XPNPEP3: variants seen among roughly 807,000 people sequenced by gnomAD.
XPNPEP3 encodes the protein xaa-Pro aminopeptidase 3.
XPNPEP3 carries 41 observed loss-of-function variants against 60.0 expected under a neutral mutation model. That is an observed-to-expected ratio of 0.68 (90% CI 0.53 to 0.89). The LOEUF (loss-of-function observed/expected upper bound fraction) is 0.89, where lower values mean the gene tolerates loss of function less well. Ranked by LOEUF, XPNPEP3 falls within the 40% of genes least tolerant of loss-of-function variation. XPNPEP3 has a pLI of 0.00. For missense variants in XPNPEP3, 598 were observed against 638.9 expected, an observed-to-expected ratio of 0.94 and a Z score of 0.69; for synonymous variants, 212 against 223.2, an observed-to-expected ratio of 0.95 and a Z score of 0.45.
At chr22:40,908,629 T>A (rs1021350279) in intron 5 of XPNPEP3, among the ~76,000 whole-genome samples, 6 of 152,236 alleles carry the variant, frequency 3.9e-5, no homozygotes, top group Non-Finnish European at 7.3e-5. Context: ...TTTCCTAGCA[T>A]CCTTTTTCAC....
At chr22:40,914,963 AGCACATTACCCATCT>A (rs1244352799) in intron 7 of XPNPEP3, among the ~76,000 whole-genome samples, 1 of 152,032 alleles carries the variant, frequency 6.6e-6, no homozygotes, top group Non-Finnish European at 1.5e-5. Context: ...TTACAAGGTC[AGCACATTACCCATCT>A]GACATGAAAA....
intron 7 of XPNPEP3, among the ~76,000 whole-genome samples, chr22:40,916,688 G>A (rs1451068596): frequency 1.3e-5 from 2 of 152,188 alleles, no homozygotes; most frequent in African/African-American, 4.8e-5. Flanking sequence ...AAGAGGTGGA[G>A]GAGGAGCCTA....
At position 40,875,228 on chromosome 22, in the gene XPNPEP3, T is replaced by G. The variant is rs2145779654; in HGVS notation, c.181+6113T>G. ...TCTTGCTCTGTCTCCCAGGCTAAACTGCAGCGGCATGATCATATCTCACTG... is the reference window on the plus strand; with the variant it reads ...TCTTGCTCTGTCTCCCAGGCTAAACGGCAGCGGCATGATCATATCTCACTG... On this transcript the variant is annotated intron_variant, in intron 2 of 9. Coordinates refer to ENST00000357137, the MANE Select transcript of XPNPEP3 (RefSeq NM_022098.4). Among the ~76,000 whole-genome samples, 3 of 152,248 alleles carry G rather than the reference T, an allele frequency of 2.0e-5. No individual in the cohort carries two copies. In the South Asian group the frequency reaches 6.2e-4, roughly 32 times the overall value.
intron 6 of XPNPEP3, among the ~76,000 whole-genome samples, chr22:40,909,497 G>A (rs549903879): frequency 6.6e-6 from 1 of 152,326 alleles, no homozygotes; most frequent in African/African-American, 2.4e-5. Flanking sequence ...AGGCATGGTA[G>A]CTCAGGCCTG....
At chr22:40,864,692 G>A (rs1175372254) in intron 1 of XPNPEP3, among the ~76,000 whole-genome samples, 1 of 152,106 alleles carries the variant, frequency 6.6e-6, no homozygotes, top group Admixed American at 6.5e-5. Context: ...TGATCTGCCC[G>A]CCTCAGCCTC....
intron 7 of XPNPEP3, among the ~76,000 whole-genome samples, chr22:40,915,059 T>TC (rs1384530241): frequency 2.0e-5 from 3 of 149,022 alleles, no homozygotes; most frequent in Non-Finnish European, 4.5e-5. Context: ...TCTTTTTTTT[T>TC]TTTTTTTTTT....
At chr22:40,926,129 C>T (rs1186235825) in intron 9 of XPNPEP3, 140 bp from the exon 10 acceptor site, 3 of 859,342 alleles carry the variant, frequency 3.5e-6, no homozygotes, top group Non-Finnish European at 5.8e-6. Context: ...CTCATTTAAT[C>T]CTCACAGCTT....
intron 4 of XPNPEP3, among the ~76,000 whole-genome samples, chr22:40,906,614 G>A (rs142036157): frequency 6.6e-6 from 1 of 152,242 alleles, no homozygotes; most frequent in East Asian, 1.9e-4. Context: ...CTCCCACGAG[G>A]AATTATCTGG....
intron 1 of XPNPEP3, among the ~76,000 whole-genome samples, chr22:40,865,234 G>A (rs1440613119): frequency 1.3e-5 from 2 of 151,830 alleles, no homozygotes; most frequent in Non-Finnish European, 2.9e-5. Flanking sequence ...AAATCGCCAG[G>A]GTCTCCAGTG....
chr22:40,899,817 C>CAAAAA (rs1336628860), intron 4 of XPNPEP3, among the ~76,000 whole-genome samples: 2 of 54,224 alleles, frequency 3.7e-5, no homozygotes, highest in Non-Finnish European at 3.9e-5. Context: ...GACTCTATCT[C>CAAAAA]AAAAAAAAAA....
intron 1 of XPNPEP3, chr22:40,862,235 A>T: frequency 1.6e-6 from 2 of 1,247,980 alleles, no homozygotes. Context: ...TAGGGACTGG[A>T]CCTTCCAAAT....
chr22:40,858,493 G>A (rs941136077), intron 1 of XPNPEP3, among the ~76,000 whole-genome samples: 2 of 146,798 alleles, frequency 1.4e-5, no homozygotes, highest in East Asian at 2.0e-4. Flanking sequence ...AGCACTAAGC[G>A]TTGCAATCGT....
intron 4 of XPNPEP3, among the ~76,000 whole-genome samples, chr22:40,891,179 CAAAAAA>C (rs989825018): frequency 7.3e-4 from 32 of 43,954 alleles, no homozygotes; most frequent in African/African-American, 2.2e-3. Flanking sequence ...CCCATTTCTA[CAAAAAA>C]AAAAAAAAAA....
chr22:40,866,985 C>T (rs1302262492), intron 1 of XPNPEP3, among the ~76,000 whole-genome samples: 2 of 152,142 alleles, frequency 1.3e-5, no homozygotes, highest in Non-Finnish European at 2.9e-5. Flanking sequence ...TGCATGAGTA[C>T]GTGTGCACGA....
chr22:40,897,342 A>T (rs2058112825), intron 4 of XPNPEP3, among the ~76,000 whole-genome samples: 1 of 151,796 alleles, frequency 6.6e-6, no homozygotes, highest in Non-Finnish European at 1.5e-5. Context: ...TCATCTTTTC[A>T]TCTGTCATTG....
At chr22:40,889,068 A>T (rs113777167) in intron 4 of XPNPEP3, among the ~76,000 whole-genome samples, 1 of 150,622 alleles carries the variant, frequency 6.6e-6, no homozygotes, top group Admixed American at 6.6e-5. Context: ...GTGTCTCGCT[A>T]TTGCTCAGGT....
At chr22:40,907,724 C>A in intron 5 of XPNPEP3, 75 bp downstream of exon 5, 1 of 1,435,712 alleles carries the variant, frequency 7.0e-7, no homozygotes, top group Non-Finnish European at 9.8e-7. Flanking sequence ...AATGGCAGTG[C>A]AGTCTGCTTT....
chr22:40,860,301 T>G (rs2057934965), intron 1 of XPNPEP3: 1 of 154,824 alleles, frequency 6.5e-6, no homozygotes, highest in African/African-American at 2.4e-5. Flanking sequence ...CGGACTGTCG[T>G]GAAATTCTGA....
At chr22:40,876,076 C>G (rs1287744818) in intron 2 of XPNPEP3, among the ~76,000 whole-genome samples, 4 of 151,972 alleles carry the variant, frequency 2.6e-5, no homozygotes, top group African/African-American at 7.3e-5. Context: ...TGTGTGTAGT[C>G]CTCATTGACA....
Sources: gnomAD v4.1 joint callset for allele counts (sites outside exome capture counted in the v4.1 genomes callset) on GRCh38, gnomAD v4.1.1 for gene constraint, MANE v1.5 for transcripts, NCBI Gene and HGNC (gene_info 2026-07-23, HGNC 2026-07-21) for gene names.